The following MBTPS2 variants were observed in gnomAD, a reference collection of about 807,000 sequenced individuals.
MBTPS2 encodes the protein membrane-bound transcription factor site-2 protease.
Under a neutral mutation model 35.4 loss-of-function variants are expected in MBTPS2, and 2 were observed. The ratio of observed to expected loss-of-function variants is 0.06; its 90% CI spans 0.02 to 0.18. The LOEUF is 0.18. Ranked by LOEUF, MBTPS2 falls within the 10% of genes least tolerant of loss-of-function variation. MBTPS2 has a pLI of 1.00. For missense variants in MBTPS2, 244 were observed against 386.5 expected (o/e 0.63, Z 3.09); for synonymous variants, 125 against 140.4 (o/e 0.89, Z 0.77).
chrX:21,848,276 G>C (rs568731340), intron 3 of MBTPS2, among the ~76,000 whole-genome samples: 1 of 109,490 alleles, frequency 9.1e-6, no homozygotes, highest in East Asian at 2.9e-4. Flanking sequence ...AAAATTAGCC[G>C]GGTGTAGTGG....
chrX:21,865,602 ATGT>A (rs1026114306), intron 5 of MBTPS2, among the ~76,000 whole-genome samples: 2 of 112,694 alleles, frequency 1.8e-5, no homozygotes, highest in Non-Finnish European at 3.7e-5. Flanking sequence ...GATAAAAGTG[ATGT>A]TGTGATTATA....
intron 8 of MBTPS2, 152 bp from the exon 9 acceptor site, chrX:21,878,345 G>A: frequency 1.9e-6 from 1 of 520,342 alleles, no homozygotes; most frequent in Admixed American, 3.5e-5. Flanking sequence ...TGGGGTACTT[G>A]AATCTATTTT....
intron 7 of MBTPS2, 24 bp downstream of exon 7, chrX:21,869,702 T>C: frequency 9.0e-7 from 1 of 1,110,569 alleles, no homozygotes; most frequent in Non-Finnish European, 1.2e-6. Context: ...CTCAATATAA[T>C]ATAATGCTTC....
chrX:21,842,832 T>A (rs773823743), intron 1 of MBTPS2, among the ~76,000 whole-genome samples: 2 of 111,728 alleles, frequency 1.8e-5, no homozygotes, highest in South Asian at 3.8e-4. Flanking sequence ...TTTAGGCTTT[T>A]TGGGCCACAG....
chrX:21,846,528 G>A (rs1447154159), intron 3 of MBTPS2, among the ~76,000 whole-genome samples: 4 of 111,338 alleles, frequency 3.6e-5, no homozygotes, highest in Non-Finnish European at 7.5e-5. Flanking sequence ...GCACCACCAC[G>A]CCTGGCTAAT....
intron 5 of MBTPS2, among the ~76,000 whole-genome samples, chrX:21,859,212 A>G (rs193108480): frequency 9.0e-6 from 1 of 111,196 alleles, no homozygotes; most frequent in Admixed American, 9.6e-5. Flanking sequence ...GTTCATGTTT[A>G]TACTTTTAGG....
Position 21,856,296 on chromosome X carries a change from GC to G in MBTPS2, c.670+2794del, listed in dbSNP as rs1353045292. 1.5e-5 allele frequency: 4 copies of G among 260,340 alleles called. No individual in the cohort carries two copies. The African/African-American group carries it at 2.2e-4, about 14-fold the overall frequency. 21.5% of individuals were successfully genotyped at this position (260,340 alleles called of 1,213,427 possible). ...CCTCAGTCTCGCGCCTTTCTCTGCAGCTCGCGCCTTTCTCTGCAGCTCGCGC... is the reference window on the plus strand; with the variant it reads ...CCTCAGTCTCGCGCCTTTCTCTGCAGTCGCGCCTTTCTCTGCAGCTCGCGC... On this transcript the variant is annotated intron_variant, in intron 5 of 10. Coordinates refer to ENST00000379484, the MANE Select transcript of MBTPS2 (RefSeq NM_015884.4).
chrX:21,844,783 A>G (rs2092906761), intron 2 of MBTPS2, among the ~76,000 whole-genome samples: 1 of 112,214 alleles, frequency 8.9e-6, no homozygotes, highest in South Asian at 3.6e-4. Context: ...TTTTATCACA[A>G]AGTAAAGCTG....
intron 7 of MBTPS2, among the ~76,000 whole-genome samples, chrX:21,877,336 G>A (rs930895983): frequency 1.8e-5 from 2 of 111,861 alleles, no homozygotes; most frequent in African/African-American, 6.5e-5. Flanking sequence ...CAGCTACTCA[G>A]GAGGCTGAGG....
intron 10 of MBTPS2, among the ~76,000 whole-genome samples, chrX:21,882,108 A>G (rs2092960156): frequency 8.9e-6 from 1 of 111,922 alleles, no homozygotes; most frequent in Admixed American, 9.5e-5. Context: ...TTTTCCCCTT[A>G]TTTCTTATTC....
rs2092961675 is a variant in MBTPS2 at position 21,883,638 on chromosome X, A to G, written c.*983A>G. 9.3e-6 allele frequency: 7 copies of G among 751,458 alleles called. No individual in the cohort carries two copies. Among genetic ancestry groups the G allele is most frequent in the South Asian group, 6.8e-5 (1 of 14,621 alleles). The allele number at this position is 751,458 out of a possible 1,213,427, so 61.9% of individuals were successfully genotyped here. ...GCAATGACCTTAAACTCTGAGCCAT[A>G]CTCTGTCCTCACCAGCGGCTCCCAT... On this transcript the variant is annotated 3_prime_UTR_variant, in exon 11 of 11. Transcript: ENST00000379484.
rs1393102443 is a variant in MBTPS2 at position 21,853,471 on chromosome X, C to T, written c.638C>T (p.Ser213Leu). 2 of 1,208,272 alleles carry T rather than the reference C, an allele frequency of 1.7e-6. No homozygotes were observed. The highest frequency in any genetic ancestry group is 1.1e-6 in the Non-Finnish European group (1 of 892,727). ...DLFTTHLQLI[S>L]PVQQLRIFCA... ...TTCACCACTCATTTGCAACTTATAT[C>T]GCCAGTCCAGCAGCTAAGGATATTT... The change falls in exon 5 of 11, where the codon TCG becomes TTG. Residue 213 changes from serine to leucine, a missense_variant. Coordinates refer to ENST00000379484, the MANE Select transcript of MBTPS2 (RefSeq NM_015884.4).
intron 5 of MBTPS2, among the ~76,000 whole-genome samples, chrX:21,867,932 C>CGCCTGGCCAGAAAAAATAAAGTT (rs1303359829): frequency 9.0e-6 from 1 of 111,714 alleles, no homozygotes; most frequent in Non-Finnish European, 1.9e-5. Flanking sequence ...AGCCACCGTG[C>CGCCTGGCCAGAAAAAATAAAGTT]CTGGCCGACA....
intron 5 of MBTPS2, chrX:21,856,663 T>C: frequency 3.3e-6 from 4 of 1,211,843 alleles, no homozygotes; most frequent in Non-Finnish European, 4.5e-6. Flanking sequence ...CCGCCATTGA[T>C]GGTGTTGCAG....
Position 21,885,266 on chromosome X carries a change from T to C in MBTPS2, c.*2611T>C, listed in dbSNP as rs774384475. 5.3e-4 allele frequency: 401 copies of C among 750,237 alleles called. No individual in the cohort carries two copies. Among genetic ancestry groups the C allele is most frequent in the Non-Finnish European group, 6.2e-4 (392 of 636,900 alleles). 61.8% of individuals were successfully genotyped at this position (750,237 alleles called of 1,213,427 possible). A position where few individuals can be genotyped will look rare whatever the true frequency, so the allele number is the denominator to read the frequency against. ...TCATCACTTTGTCCTATGGTATTTA[T>C]TGAATGTTCACATACTAATGGTGCA... On this transcript the variant is annotated 3_prime_UTR_variant, in exon 11 of 11. Transcript: ENST00000379484.
At chrX:21,879,872 A>G (rs897035627) in intron 9 of MBTPS2, among the ~76,000 whole-genome samples, 2 of 109,237 alleles carry the variant, frequency 1.8e-5, no homozygotes, top group Admixed American at 9.9e-5. Context: ...TTAAGGCCAA[A>G]TGATATTCCT....
chrX:21,854,260 C>G (rs1452360663), intron 5 of MBTPS2, among the ~76,000 whole-genome samples: 1 of 111,817 alleles, frequency 8.9e-6, no homozygotes, highest in South Asian at 3.7e-4. Flanking sequence ...ATAAACTTTT[C>G]AAGTTATCAC....
intron 5 of MBTPS2, chrX:21,858,521 G>A (rs1003815910): frequency 1.6e-5 from 2 of 123,124 alleles, no homozygotes; most frequent in African/African-American, 6.5e-5. Context: ...TCTGGTGAGT[G>A]GAGGGAGATC....
chrX:21,849,415 C>G (rs913008529), intron 3 of MBTPS2, among the ~76,000 whole-genome samples: 1 of 111,634 alleles, frequency 9.0e-6, no homozygotes, highest in African/African-American at 3.3e-5. Flanking sequence ...GGGGAAAGTT[C>G]AGCTTTACAA....
Sources: allele counts gnomAD v4.1 joint callset (sites outside exome capture counted in the v4.1 genomes callset), GRCh38; gene constraint gnomAD v4.1.1; transcripts MANE v1.5; gene names NCBI Gene and HGNC (gene_info 2026-07-23, HGNC 2026-07-21).